CPSF6: variants seen among roughly 807,000 people sequenced by gnomAD.
CPSF6 encodes cleavage and polyadenylation specific factor 6, also known as cleavage and polyadenylation specificity factor subunit 6.
In CPSF6, 10 loss-of-function variants were observed where a neutral mutation model predicts 56.7. The ratio of observed to expected loss-of-function variants is 0.18; its 90% CI spans 0.11 to 0.30. The LOEUF (loss-of-function observed/expected upper bound fraction) is 0.30. Ranked by LOEUF, CPSF6 falls within the 10% of genes least tolerant of loss-of-function variation. The pLI is 1.00. For synonymous variants in CPSF6, 248 were observed against 244.8 expected, an observed-to-expected ratio of 1.01 and a Z score of -0.12; for missense variants, 419 against 722.9, an observed-to-expected ratio of 0.58 and a Z score of 4.82.
intron 1 of CPSF6, among the ~76,000 whole-genome samples, chr12:69,248,973 G>A (rs1369221614): frequency 1.3e-5 from 2 of 151,898 alleles, no homozygotes; most frequent in Non-Finnish European, 2.9e-5. Flanking sequence ...TCGGCCGGGT[G>A]TGGTGGCTCA....
Position 69,271,014 on chromosome 12 carries a change from A to G in CPSF6, c.*1506A>G, listed in dbSNP as rs1311827305. 2 of 151,820 alleles carry G rather than the reference A, an allele frequency of 1.3e-5. No homozygotes were observed. Among genetic ancestry groups the G allele is most frequent in the Non-Finnish European group, 3.0e-5 (2 of 67,706 alleles). 9.4% of individuals were successfully genotyped at this position (151,820 alleles called of 1,614,324 possible). ...ATACCCTAGATACTGTGTTATGTGC[A>G]ACTGTAGAAACCCTCCAGAAATTTC... is the stretch of plus-strand genomic sequence containing the variant. On this transcript the variant is annotated 3_prime_UTR_variant, in exon 10 of 10. Transcript: ENST00000435070.
intron 9 of CPSF6, among the ~76,000 whole-genome samples, chr12:69,265,136 A>G (rs929850498): frequency 9.2e-5 from 14 of 152,290 alleles, no homozygotes; most frequent in Middle Eastern, 3.4e-3. Context: ...CTCATTTTAA[A>G]ATGTATTGGT....
intron 9 of CPSF6, among the ~76,000 whole-genome samples, chr12:69,268,970 TCTTA>T (rs1490754047): frequency 1.3e-5 from 2 of 151,922 alleles, no homozygotes; most frequent in African/African-American, 4.8e-5. Context: ...TATTTATAAA[TCTTA>T]CTTACAAATT....
In CPSF6 at chr12:69,262,346, C is replaced by T. The variant is rs764575029; in HGVS notation, c.1470-27C>T. On this transcript the variant is annotated intron_variant, in intron 8 of 9. Coordinates refer to ENST00000435070, the MANE Select transcript of CPSF6 (RefSeq NM_007007.3). The stretch of plus-strand genomic sequence containing the variant: ...TTTTAGGCTATCTAATTATGGAGAG[C>T]ATTAATCCAGTAATTTCTTTTAGAA... The T allele has an allele frequency of 1.7e-5, 26 of 1,546,714 alleles. No individual in the cohort carries two copies. In the East Asian group the frequency reaches 5.9e-4, roughly 35 times the overall value.
At chr12:69,240,300 A>G (rs1289284324) in intron 1 of CPSF6, among the ~76,000 whole-genome samples, 4 of 151,870 alleles carry the variant, frequency 2.6e-5, no homozygotes, top group African/African-American at 9.7e-5. Flanking sequence ...GGTTTGCGAC[A>G]GGTTTCGGCG....
At chr12:69,243,391 A>G (rs115509263) in intron 1 of CPSF6, among the ~76,000 whole-genome samples, 124 of 152,332 alleles carry the variant, frequency 8.1e-4, no homozygotes, top group African/African-American at 2.8e-3. Flanking sequence ...CGATGGCGGT[A>G]TGTTCTGAGA....
In CPSF6 at chr12:69,258,831, A is replaced by C. The variant is rs1241584323; in HGVS notation, c.936A>C (p.Pro312=). 1.2e-6 allele frequency: 2 copies of C among 1,613,488 alleles called. No homozygotes were observed. Among genetic ancestry groups the C allele is most frequent in the Non-Finnish European group, 1.7e-6 (2 of 1,179,872 alleles). ...GCCCCCCTCCTGGCCCACCACCTCC[A>C]CAACAGGGACCACCTCCACCTCCAG... is the stretch of plus-strand genomic sequence containing the variant. ...GYGPPPGPPP[P]QQGPPPPPGP... Residue 312 remains proline, a synonymous_variant, in exon 6 of 10, where the codon CCA becomes CCC. Transcript: ENST00000435070. This position sits in a 1 kb window ranked among gnomAD's most constrained non-coding sequence, Gnocchi z 4.2.
In CPSF6 at chr12:69,256,817, T is replaced by C. The variant is rs1207169783; in HGVS notation, c.495T>C (p.Ser165=). The change falls in exon 4 of 10, where the codon AGT becomes AGC. Residue 165 remains serine, a synonymous_variant. Transcript: ENST00000435070. ...VVTPCNKQFL[S]QFEMQSRKTT... is the part of the protein sequence containing the mutation. ...CTCCATGCAATAAACAGTTCCTGAG[T>C]CAATTTGAAATGCAGTCCAGGAAAA... 4 of 1,609,832 alleles carry C rather than the reference T, an allele frequency of 2.5e-6. No individual in the cohort carries two copies. Among genetic ancestry groups the C allele is most frequent in the Non-Finnish European group, 3.4e-6 (4 of 1,178,878 alleles).
intron 8 of CPSF6, 62 bp downstream of exon 8, chr12:69,260,259 CTG>C: frequency 3.9e-6 from 5 of 1,272,692 alleles, no homozygotes; most frequent in Non-Finnish European, 5.4e-6. Context: ...GGAAAAAATA[CTG>C]TGAGACTTTA....
Position 69,258,780 on chromosome 12 carries a change from C to A in CPSF6, c.885C>A (p.Gly295=), listed in dbSNP as rs764737603. ...GQPPLGPLPP[G]PPPPVPGYGP... ...CTCCATTGGGTCCACTTCCTCCTGG[C>A]CCTCCACCTCCAGTTCCAGGCTACG... The change falls in exon 6 of 10, where the codon GGC becomes GGA. Residue 295 remains glycine, a synonymous_variant. Transcript: ENST00000435070. This position sits in a 1 kb window ranked among gnomAD's most constrained non-coding sequence, Gnocchi z 4.2. The A allele has an allele frequency of 1.1e-5, 18 of 1,613,946 alleles. No individual in the cohort carries two copies. Among genetic ancestry groups the A allele is most frequent in the Non-Finnish European group, 5.9e-6 (7 of 1,179,952 alleles).
At chr12:69,268,313 A>G (rs1873088447) in intron 9 of CPSF6, among the ~76,000 whole-genome samples, 1 of 151,884 alleles carries the variant, frequency 6.6e-6, no homozygotes, top group South Asian at 2.1e-4. Context: ...TATAGAAACT[A>G]TATATATAAA....
chr12:69,240,267 A>T (rs1277877188), intron 1 of CPSF6, among the ~76,000 whole-genome samples: 2 of 151,984 alleles, frequency 1.3e-5, no homozygotes, highest in East Asian at 3.9e-4. Context: ...CCGCGCGCCC[A>T]GTCCCCGGGG....
chr12:69,241,546 C>G (rs989103975), intron 1 of CPSF6, among the ~76,000 whole-genome samples: 2 of 152,156 alleles, frequency 1.3e-5, no homozygotes, highest in African/African-American at 4.8e-5. Context: ...TTCAGTACCT[C>G]TTAATGAAAT....
chr12:69,256,749 C>T lies in CPSF6; in HGVS notation c.427C>T (p.Leu143=). 1 of 1,613,860 alleles carries T rather than the reference C, an allele frequency of 6.2e-7. No individual in the cohort carries two copies. The highest frequency in any genetic ancestry group is 8.5e-7 in the Non-Finnish European group (1 of 1,179,820). ...AGCATCTTCAAAAAAGTTAATGGATCTGTTACCTAAAAGAGAACTTCATGG... is the reference window on the plus strand; with the variant it reads ...AGCATCTTCAAAAAAGTTAATGGATTTGTTACCTAAAAGAGAACTTCATGG... The part of the protein sequence containing the change: ...SEASSKKLMD[L]LPKRELHGQN... Residue 143 remains leucine (L), a synonymous_variant, in exon 4 of 10, where the codon CTG becomes TTG. Transcript: ENST00000435070.
chr12:69,247,362 T>A (rs1455623003), intron 1 of CPSF6, among the ~76,000 whole-genome samples: 2 of 151,062 alleles, frequency 1.3e-5, no homozygotes, highest in Admixed American at 6.7e-5. Context: ...ATGAAAAAAA[T>A]TAGTGAGTTT....
rs1162057373 is a variant in CPSF6 at position 69,258,096 on chromosome 12, A to G, written c.694+191A>G. On this transcript the variant is annotated intron_variant, in intron 5 of 9. Coordinates refer to ENST00000435070, the MANE Select transcript of CPSF6 (RefSeq NM_007007.3). This position sits in a 1 kb window ranked among gnomAD's most constrained non-coding sequence, Gnocchi z 4.2. ...CTTTGTTCCTGGAAACTAGGATTCC[A>G]TGGCATATGGGGCACAGCATAGAGG... 2.6e-6 allele frequency: 4 copies of G among 1,536,534 alleles called. No homozygotes were observed. Among genetic ancestry groups the G allele is most frequent in the Non-Finnish European group, 3.5e-6 (4 of 1,146,868 alleles).
chr12:69,253,939 A>T (rs1254198483), intron 3 of CPSF6, among the ~76,000 whole-genome samples: 3 of 152,160 alleles, frequency 2.0e-5, no homozygotes, highest in Non-Finnish European at 4.4e-5. Context: ...ATAAATTGTT[A>T]GATGCACAAT....
intron 1 of CPSF6, among the ~76,000 whole-genome samples, chr12:69,250,631 G>A (rs1872194537): frequency 8.3e-6 from 1 of 120,098 alleles, no homozygotes; most frequent in African/African-American, 3.6e-5. Context: ...AGAAATAAAG[G>A]AAACCCCCTT....
chr12:69,257,994 A>T, intron 5 of CPSF6, 89 bp downstream of exon 5: 1 of 1,539,680 alleles, frequency 6.5e-7, no homozygotes, highest in Non-Finnish European at 8.9e-7. Context: ...TGCATTATTA[A>T]TGTGACTTAC....
Sources: allele counts gnomAD v4.1 joint callset (sites outside exome capture counted in the v4.1 genomes callset), GRCh38; gene constraint gnomAD v4.1.1; non-coding constraint Gnocchi (gnomAD v3.1); transcripts MANE v1.5; gene names NCBI Gene and HGNC (gene_info 2026-07-23, HGNC 2026-07-21).